Variants in SPIDR observed in about 807,000 individuals in gnomAD.
SPIDR encodes scaffold protein involved in DNA repair.
A neutral mutation model predicts 104.6 loss-of-function variants in SPIDR; 93 were observed. The ratio of observed to expected loss-of-function variants is 0.89; its 90% confidence interval spans 0.75 to 1.06. SPIDR has a LOEUF of 1.06. Among genes scored for constraint, SPIDR ranks in the 50% least tolerant of loss-of-function variants. The pLI, the probability that SPIDR is intolerant of heterozygous loss-of-function variation, is 0.00. For missense variants in SPIDR, 1,154 were observed against 1,111.2 expected (o/e 1.04, Z -0.55); for synonymous variants, 431 against 416.9 (o/e 1.03, Z -0.41).
intron 5 of SPIDR, among the ~76,000 whole-genome samples, chr8:47,362,359 A>G (rs2056186574): frequency 2.0e-5 from 3 of 152,196 alleles, no homozygotes; most frequent in Admixed American, 6.5e-5. Flanking sequence ...AGTCAGGACT[A>G]ATGAGTCCTC....
intron 9 of SPIDR, among the ~76,000 whole-genome samples, chr8:47,596,661 T>G (rs973952587): frequency 6.6e-6 from 1 of 152,130 alleles, no homozygotes; most frequent in Non-Finnish European, 1.5e-5. Context: ...CTAAATTAAA[T>G]TTTTTTCTTC....
intron 8 of SPIDR, chr8:47,511,647 A>C: frequency 1.2e-6 from 1 of 803,004 alleles, no homozygotes; most frequent in Non-Finnish European, 2.3e-6. Context: ...CTGCCACATA[A>C]GCAGACTCTT....
Position 47,627,155 on chromosome 8 carries a change from G to A in SPIDR, c.1544+27959G>A, listed in dbSNP as rs540748253. On this transcript the variant is annotated intron_variant, in intron 10 of 19. Coordinates refer to ENST00000297423, the MANE Select transcript of SPIDR (RefSeq NM_001080394.4). The stretch of plus-strand genomic sequence containing the variant: ...TCACAAGGACAAAAAACCGAACACC[G>A]CATGTTCTCACTCATAGGTGGGAAT... Among the ~76,000 whole-genome samples the A allele has an allele frequency of 5.3e-5, 8 of 152,246 alleles. No homozygotes were observed. In the East Asian group the frequency reaches 7.7e-4, roughly 15 times the overall value.
intron 10 of SPIDR, among the ~76,000 whole-genome samples, chr8:47,638,479 T>TTGG (rs1038371417): frequency 7.2e-5 from 11 of 152,114 alleles, no homozygotes; most frequent in Admixed American, 6.6e-4. Context: ...GATACTAGCA[T>TTGG]TGGTAGTCAT....
intron 7 of SPIDR, among the ~76,000 whole-genome samples, chr8:47,422,460 G>A (rs2065687835): frequency 2.0e-5 from 3 of 152,238 alleles, no homozygotes; most frequent in Admixed American, 2.0e-4. Flanking sequence ...CATTGGAAAA[G>A]CGCAGTATTA....
chr8:47,352,728 G>A (rs1430530188), intron 5 of SPIDR, among the ~76,000 whole-genome samples: 1 of 152,072 alleles, frequency 6.6e-6, no homozygotes, highest in African/African-American at 2.4e-5. Context: ...TTTAAAGTAG[G>A]GGAAAAGGAG....
intron 10 of SPIDR, among the ~76,000 whole-genome samples, chr8:47,639,824 T>C (rs183660435): frequency 1.3e-5 from 2 of 152,150 alleles, no homozygotes; most frequent in African/African-American, 4.8e-5. Context: ...GTTGCACATC[T>C]GTAGTCCCAG....
intron 10 of SPIDR, among the ~76,000 whole-genome samples, chr8:47,653,335 T>A (rs1288203588): frequency 2.6e-5 from 4 of 152,132 alleles, no homozygotes; most frequent in Non-Finnish European, 5.9e-5. Flanking sequence ...CAGGTTTCAG[T>A]GATGAATAGG....
At chr8:47,526,911 C>T (rs144981436) in intron 8 of SPIDR, among the ~76,000 whole-genome samples, 60 of 152,314 alleles carry the variant, frequency 3.9e-4, no homozygotes, top group African/African-American at 9.6e-4. Flanking sequence ...CAGAGAATCA[C>T]AGCTTCCCAG....
At chr8:47,592,224 C>T in intron 8 of SPIDR, 1 of 1,319,222 alleles carries the variant, frequency 7.6e-7, no homozygotes, top group Non-Finnish European at 1.1e-6. Flanking sequence ...TTCCACTGCT[C>T]TGCTACATCA....
At chr8:47,443,715 C>T (rs1188636022) in intron 8 of SPIDR, among the ~76,000 whole-genome samples, 1 of 150,790 alleles carries the variant, frequency 6.6e-6, no homozygotes, top group Non-Finnish European at 1.5e-5. Flanking sequence ...GTCCTTTTCC[C>T]ACTAGCACCC....
intron 5 of SPIDR, among the ~76,000 whole-genome samples, chr8:47,324,675 A>G (rs1410297844): frequency 6.6e-6 from 1 of 152,178 alleles, no homozygotes; most frequent in African/African-American, 2.4e-5. Flanking sequence ...TGCTTCCCTT[A>G]AAGGGGCTCT....
intron 7 of SPIDR, among the ~76,000 whole-genome samples, chr8:47,413,756 A>C (rs2063844136): frequency 6.6e-6 from 1 of 152,228 alleles, no homozygotes; most frequent in Non-Finnish European, 1.5e-5. Context: ...CTGAAGGCTT[A>C]CTACGTATTA....
rs2068267023 is a variant in SPIDR, at chr8:47,436,121, CG to C, written c.878-4201del. Among the ~76,000 whole-genome samples the C allele has an allele frequency of 5.3e-5, 8 of 152,234 alleles. 1 individual carries two copies. The South Asian group carries it at 1.2e-3, about 24-fold the overall frequency. ...GCCATCCTTGCATGGCCAGGCACTTCGTGGTACATTTGCTGTGTTTGCACCT... is the reference window on the plus strand; with the variant it reads ...GCCATCCTTGCATGGCCAGGCACTTCTGGTACATTTGCTGTGTTTGCACCT... On this transcript the variant is annotated intron_variant, in intron 7 of 19. Coordinates refer to ENST00000297423, the MANE Select transcript of SPIDR (RefSeq NM_001080394.4).
intron 8 of SPIDR, among the ~76,000 whole-genome samples, chr8:47,563,098 A>G (rs1327781195): frequency 6.7e-6 from 1 of 148,320 alleles, no homozygotes. Flanking sequence ...AAGGACTACT[A>G]CATGTTTTGT....
At chr8:47,683,323 C>T (rs1340002093) in intron 11 of SPIDR, among the ~76,000 whole-genome samples, 1 of 152,210 alleles carries the variant, frequency 6.6e-6, no homozygotes, top group African/African-American at 2.4e-5. Context: ...GTCATAGCTC[C>T]TGCCCTCAAG....
At chr8:47,631,556 A>G (rs1343131431) in intron 10 of SPIDR, among the ~76,000 whole-genome samples, 1 of 152,274 alleles carries the variant, frequency 6.6e-6, no homozygotes, top group Non-Finnish European at 1.5e-5. Context: ...TAAATTTATC[A>G]GAGAAAATGG....
chr8:47,681,112 G>A (rs1480278631), intron 11 of SPIDR, among the ~76,000 whole-genome samples: 2 of 152,238 alleles, frequency 1.3e-5, no homozygotes, highest in African/African-American at 4.8e-5. Flanking sequence ...GACCAGGACT[G>A]CTCAGAGCAG....
At chr8:47,509,681 T>A (rs1394921062) in intron 8 of SPIDR, among the ~76,000 whole-genome samples, 1 of 152,240 alleles carries the variant, frequency 6.6e-6, no homozygotes, top group Non-Finnish European at 1.5e-5. Context: ...GATAACTGTA[T>A]GGTATTCGTA....
Sources: gnomAD v4.1 joint callset for allele counts (sites outside exome capture counted in the v4.1 genomes callset) on GRCh38, gnomAD v4.1.1 for gene constraint, MANE v1.5 for transcripts, NCBI Gene and HGNC (gene_info 2026-07-23, HGNC 2026-07-21) for gene names.